FBXO34: variants seen among roughly 807,000 people sequenced by gnomAD.
FBXO34 encodes the protein F-box only protein 34.
Under a neutral mutation model 24.5 loss-of-function variants are expected in FBXO34, and 12 were observed. The observed-to-expected ratio is 0.49, with a 90% CI of 0.31 to 0.79. The LOEUF (loss-of-function observed/expected upper bound fraction) is 0.79, where lower values mean the gene tolerates loss of function less well. FBXO34 is among the 30% of genes least tolerant of loss of function. The pLI is 0.04. For synonymous variants in FBXO34, 320 were observed against 311.9 expected (o/e 1.03, Z -0.27); for missense variants, 823 against 857.7 (o/e 0.96, Z 0.51).
downstream of FBXO34, chr14:55,369,413 CTT>C (rs1295000720): frequency 6.7e-6 from 3 of 447,740 alleles, no homozygotes; most frequent in Admixed American, 3.9e-5. Context: ...CCCCTGTTCT[CTT>C]AATTATCATA....
chr14:55,275,871 C>A (rs977063081), intron 1 of FBXO34, among the ~76,000 whole-genome samples: 1 of 144,262 alleles, frequency 6.9e-6, no homozygotes, highest in African/African-American at 2.5e-5. Context: ...GCTAGATTGG[C>A]CAGAGGTGTT....
At chr14:55,392,215 G>A in the FBXO34 span, among the ~76,000 whole-genome samples, 1 of 152,188 alleles carries the variant, frequency 6.6e-6, no homozygotes, top group Non-Finnish European at 1.5e-5. Flanking sequence ...CTGACAGGAG[G>A]TGGAGCTCAG....
At chr14:55,370,186 G>A, downstream of FBXO34, among the ~76,000 whole-genome samples, 1 of 152,154 alleles carries the variant, frequency 6.6e-6, no homozygotes, top group Non-Finnish European at 1.5e-5. Flanking sequence ...ACCGTGCATA[G>A]GAAAAAAACC....
the FBXO34 span, chr14:55,411,908 G>A: frequency 6.2e-6 from 8 of 1,286,608 alleles, no homozygotes; most frequent in Non-Finnish European, 8.5e-6. Flanking sequence ...TGGGGAAGGG[G>A]GGCTGGGATG....
chr14:55,376,072 A>C, the FBXO34 span, among the ~76,000 whole-genome samples: 1 of 152,200 alleles, frequency 6.6e-6, no homozygotes, highest in Non-Finnish European at 1.5e-5. Flanking sequence ...TGAAATAATA[A>C]ATACTGGTTA....
the FBXO34 span, among the ~76,000 whole-genome samples, chr14:55,406,996 CTG>C: frequency 4.7e-5 from 7 of 148,514 alleles, no homozygotes; most frequent in Non-Finnish European, 1.0e-4. Flanking sequence ...GAGTCTAGCT[CTG>C]TTGCCCAGGC....
the FBXO34 span, chr14:55,390,918 C>T: frequency 6.3e-7 from 1 of 1,591,290 alleles, no homozygotes; most frequent in East Asian, 2.2e-5. Flanking sequence ...TACTTTTCTC[C>T]ATTTCTTCAT....
At chr14:55,400,193 C>T in the FBXO34 span, among the ~76,000 whole-genome samples, 1 of 152,212 alleles carries the variant, frequency 6.6e-6, no homozygotes, top group Non-Finnish European at 1.5e-5. Context: ...CTCCATCCCA[C>T]CACTCACAGA....
the FBXO34 span, among the ~76,000 whole-genome samples, chr14:55,398,849 T>C: frequency 1.3e-5 from 2 of 149,632 alleles, no homozygotes; most frequent in East Asian, 1.9e-4. Context: ...AATAAGGGCA[T>C]GGACAAAAAA....
the FBXO34 span, among the ~76,000 whole-genome samples, chr14:55,408,219 G>T: frequency 6.6e-6 from 1 of 152,170 alleles, no homozygotes; most frequent in Non-Finnish European, 1.5e-5. Flanking sequence ...TGGGGAGGCT[G>T]AGGCTGGTGG....
chr14:55,348,265 G>C (rs1884224705), intron 1 of FBXO34, among the ~76,000 whole-genome samples: 1 of 152,098 alleles, frequency 6.6e-6, no homozygotes, highest in Non-Finnish European at 1.5e-5. Flanking sequence ...GTCTTGCTGT[G>C]TTGCCCAGGC....
the FBXO34 span, chr14:55,382,267 C>T: frequency 2.2e-6 from 3 of 1,337,166 alleles, no homozygotes; most frequent in Non-Finnish European, 3.2e-6. Context: ...GCAAGACATG[C>T]TAGAACATCG....
At chr14:55,364,727 CTTTTTTTTTT>C (rs534426436), downstream of FBXO34, among the ~76,000 whole-genome samples, 2 of 130,048 alleles carry the variant, frequency 1.5e-5, no homozygotes. Context: ...CAGTGCCCAA[CTTTTTTTTTT>C]TTTTTTTTTT....
intron 1 of FBXO34, among the ~76,000 whole-genome samples, chr14:55,322,309 C>CAA (rs3084455): frequency 0.018 from 2,253 of 122,016 alleles, 33 homozygotes; most frequent in Non-Finnish European, 0.029. Flanking sequence ...GACTCTGTCT[C>CAA]AAAAAAAAAA....
At chr14:55,372,219 G>T (rs1418775524), downstream of FBXO34, among the ~76,000 whole-genome samples, 2 of 152,046 alleles carry the variant, frequency 1.3e-5, no homozygotes, top group African/African-American at 4.8e-5. Flanking sequence ...AGGGCTACCT[G>T]TTATCATTAA....
chr14:55,340,170 GGTGT>G (rs1883943443), intron 1 of FBXO34, among the ~76,000 whole-genome samples: 1 of 152,074 alleles, frequency 6.6e-6, no homozygotes, highest in Non-Finnish European at 1.5e-5. Flanking sequence ...GGAGTACGGG[GGTGT>G]GCCACTGTGC....
At chr14:55,414,676 G>C in the FBXO34 span, among the ~76,000 whole-genome samples, 1 of 152,132 alleles carries the variant, frequency 6.6e-6, no homozygotes, top group Non-Finnish European at 1.5e-5. Context: ...TTCTCTGTGG[G>C]TGTCATCTTT....
the FBXO34 span, among the ~76,000 whole-genome samples, chr14:55,386,752 T>A: frequency 6.6e-6 from 1 of 152,154 alleles, no homozygotes; most frequent in South Asian, 2.1e-4. Context: ...CAGATTTAGG[T>A]CCTTTTTGTG....
Position 55,367,138 on chromosome 14 carries a change from ATTCTT to A in FBXO34, c.*345-7_*345-3del, listed in dbSNP as rs1594773219. 3 of 152,504 alleles carry A rather than the reference ATTCTT, an allele frequency of 2.0e-5. No homozygotes were observed. In the East Asian group the frequency reaches 5.8e-4, roughly 29 times the overall value. The allele number at this position is 152,504 out of a possible 1,614,324, so 9.4% of individuals were successfully genotyped here. On this transcript the variant is annotated splice_region_variant and splice_polypyrimidine_tract_variant and intron_variant and NMD_transcript_variant, in intron 2 of 2. Transcript: ENST00000680658. ...GATGAGTTTGTGATCTCTGGATTCT[ATTCTT>A]TAGCTTCATCTCTCATTCATGGTTT...
Sources: gnomAD v4.1 joint callset for allele counts (sites outside exome capture counted in the v4.1 genomes callset) on GRCh38, gnomAD v4.1.1 for gene constraint, MANE v1.5 for transcripts, NCBI Gene and HGNC (gene_info 2026-07-23, HGNC 2026-07-21) for gene names.